NR3C2: variants seen among roughly 807,000 people sequenced by gnomAD.
The protein encoded by NR3C2 is mineralocorticoid receptor.
In NR3C2, 15 loss-of-function variants were observed where a neutral mutation model predicts 86.4. The observed-to-expected ratio is 0.17, with a 90% CI of 0.12 to 0.27. NR3C2 has a LOEUF of 0.27. Ranked by LOEUF, NR3C2 falls within the 10% of genes least tolerant of loss-of-function variation. NR3C2 has a pLI of 1.00. For synonymous variants in NR3C2, 458 were observed against 450.5 expected, an observed-to-expected ratio of 1.02 and a Z score of -0.21; for missense variants, 960 against 1,195.6, an observed-to-expected ratio of 0.80 and a Z score of 2.91.
intron 2 of NR3C2, among the ~76,000 whole-genome samples, chr4:148,275,321 A>C (rs1325282613): frequency 6.6e-6 from 1 of 152,238 alleles, no homozygotes; most frequent in African/African-American, 2.4e-5. Flanking sequence ...TTGAGGTCTA[A>C]AATTAAGTCT....
At chr4:148,419,746 C>G (rs914506674) in intron 2 of NR3C2, among the ~76,000 whole-genome samples, 4 of 152,142 alleles carry the variant, frequency 2.6e-5, no homozygotes, top group African/African-American at 9.7e-5. Flanking sequence ...GTAAAAGAAA[C>G]TATCAGATCC....
chr4:148,312,317 G>C (rs1742941809), intron 2 of NR3C2, among the ~76,000 whole-genome samples: 1 of 107,222 alleles, frequency 9.3e-6, no homozygotes. Flanking sequence ...ACATTTATGA[G>C]TATGGTAGAA....
Position 148,312,609 on chromosome 4 carries a change from CAAAAG to C in NR3C2, c.1758-52497_1758-52493del, listed in dbSNP as rs573079265. Among the ~76,000 whole-genome samples, 46 of 152,198 alleles carry C rather than the reference CAAAAG, an allele frequency of 3.0e-4. No individual in the cohort carries two copies. In the South Asian group the frequency reaches 9.1e-3, roughly 30 times the overall value. ...AATGAATTTCCGTGAAAGCCACCTG[CAAAAG>C]TATACTGAGAAGAAAGTACAAAACT... On this transcript the variant is annotated intron_variant, in intron 2 of 8. Transcript: ENST00000358102.
intron 2 of NR3C2, among the ~76,000 whole-genome samples, chr4:148,389,276 G>A (rs1747420446): frequency 6.6e-6 from 1 of 152,070 alleles, no homozygotes; most frequent in African/African-American, 2.4e-5. Context: ...TAAAAAAAAG[G>A]GACTCACTGC....
chr4:148,128,006 A>T (rs993632381), intron 6 of NR3C2, among the ~76,000 whole-genome samples: 7 of 152,138 alleles, frequency 4.6e-5, no homozygotes, highest in African/African-American at 1.7e-4. Context: ...GTTAGACAAT[A>T]TTTTTTCCTT....
intron 3 of NR3C2, among the ~76,000 whole-genome samples, chr4:148,207,673 A>G (rs952818258): frequency 2.0e-5 from 3 of 152,164 alleles, no homozygotes; most frequent in African/African-American, 7.2e-5. Context: ...TTCATCCATA[A>G]AGTCAGTAAC....
intron 2 of NR3C2, among the ~76,000 whole-genome samples, chr4:148,386,777 TA>T (rs1405416201): frequency 6.6e-6 from 1 of 152,242 alleles, no homozygotes; most frequent in Non-Finnish European, 1.5e-5. Flanking sequence ...CACAGAATGT[TA>T]ACTTCTTTCT....
intron 2 of NR3C2, among the ~76,000 whole-genome samples, chr4:148,333,606 C>T (rs1386023893): frequency 3.3e-5 from 5 of 152,020 alleles, no homozygotes; most frequent in African/African-American, 1.2e-4. Flanking sequence ...ATGCCAAGTC[C>T]CACATGCTAG....
At chr4:148,303,947 G>A (rs766569668) in intron 2 of NR3C2, among the ~76,000 whole-genome samples, 2 of 152,206 alleles carry the variant, frequency 1.3e-5, no homozygotes, top group Middle Eastern at 3.2e-3. Flanking sequence ...GCAGCAGCCC[G>A]TCATGGTCAC....
chr4:148,390,456 T>C (rs933139596), intron 2 of NR3C2, among the ~76,000 whole-genome samples: 2 of 152,014 alleles, frequency 1.3e-5, no homozygotes, highest in Admixed American at 6.6e-5. Flanking sequence ...ATGTTCTGGG[T>C]GGTGGCAGGC....
intron 3 of NR3C2, among the ~76,000 whole-genome samples, chr4:148,211,597 A>G (rs563476677): frequency 6.6e-6 from 1 of 152,336 alleles, no homozygotes; most frequent in South Asian, 2.1e-4. Flanking sequence ...AATTTGATAA[A>G]CCATGGCGTC....
chr4:148,095,606 C>T (rs1185946232), intron 8 of NR3C2, among the ~76,000 whole-genome samples: 6 of 152,170 alleles, frequency 3.9e-5, no homozygotes. Context: ...ATGCTCGGTG[C>T]AGCAGCTAAA....
chr4:148,431,488 C>T (rs187294741), intron 2 of NR3C2, among the ~76,000 whole-genome samples: 1 of 152,192 alleles, frequency 6.6e-6, no homozygotes, highest in East Asian at 1.9e-4. Context: ...TTGTTGATGT[C>T]CAAGCAGACA....
chr4:148,231,443 A>G lies in NR3C2; in HGVS notation c.1897+28535T>C, dbSNP rs1026532758. Among the ~76,000 whole-genome samples, 9 of 152,192 alleles carry G rather than the reference A, an allele frequency of 5.9e-5. No homozygotes were observed. In the East Asian group the frequency reaches 1.7e-3, roughly 29 times the overall value. On this transcript the variant is annotated intron_variant, in intron 3 of 8. Transcript: ENST00000358102. ...TAGTTTTTTTGGTTTCCCAGTGCAT[A>G]TTATGTTTACACTATTACTGAAGTC...
chr4:148,408,400 AG>A (rs1748525208), intron 2 of NR3C2, among the ~76,000 whole-genome samples: 1 of 152,208 alleles, frequency 6.6e-6, no homozygotes, highest in South Asian at 2.1e-4. Context: ...CTATAGAGGT[AG>A]GTTCTCTAAA....
In NR3C2 at chr4:148,108,593, G is replaced by C. The variant is rs111516822; in HGVS notation, c.2799+5511C>G. Among the ~76,000 whole-genome samples the C allele has an allele frequency of 1.6e-3, 246 of 152,284 alleles. 1 individual carries two copies. The highest frequency in any genetic ancestry group is 5.6e-3 in the African/African-American group (232 of 41,558). ...GTCAGCTTCTAGCATGGCCCCTGGA[G>C]ACACAGAAAGCAGCTATTCAGCAAT... On this transcript the variant is annotated intron_variant, in intron 8 of 8. Transcript: ENST00000358102.
intron 2 of NR3C2, among the ~76,000 whole-genome samples, chr4:148,276,027 A>G (rs1030396730): frequency 1.1e-4 from 17 of 152,216 alleles, no homozygotes; most frequent in African/African-American, 3.9e-4. Context: ...AATATTATTC[A>G]TAAGCCCCCT....
At chr4:148,255,523 T>C (rs1332610635) in intron 3 of NR3C2, among the ~76,000 whole-genome samples, 3 of 152,244 alleles carry the variant, frequency 2.0e-5, no homozygotes, top group African/African-American at 4.8e-5. Flanking sequence ...ACTGACATCA[T>C]ACAATTTGGC....
intron 6 of NR3C2, among the ~76,000 whole-genome samples, chr4:148,132,077 T>C (rs1032088944): frequency 1.3e-5 from 2 of 152,346 alleles, no homozygotes; most frequent in East Asian, 3.9e-4. Flanking sequence ...AAATAACTTA[T>C]ATAGTCAGCA....
Sources: gnomAD v4.1 joint callset for allele counts (sites outside exome capture counted in the v4.1 genomes callset) on GRCh38, gnomAD v4.1.1 for gene constraint, MANE v1.5 for transcripts, NCBI Gene and HGNC (gene_info 2026-07-23, HGNC 2026-07-21) for gene names.